The following ETV6 variants were observed in gnomAD, a reference collection of about 807,000 sequenced individuals.
ETV6 encodes the protein ETS variant transcription factor 6.
Under a neutral mutation model 51.1 loss-of-function variants are expected in ETV6, and 16 were observed. The observed-to-expected ratio is 0.31, with a 90% CI of 0.21 to 0.48. ETV6 has a LOEUF of 0.48. Among genes scored for constraint, ETV6 ranks in the 20% least tolerant of loss-of-function variants. The pLI, the probability that ETV6 is intolerant of heterozygous loss-of-function variation, is 0.99. For synonymous variants in ETV6, 240 were observed against 224.1 expected, an observed-to-expected ratio of 1.07 and a Z score of -0.64; for missense variants, 458 against 594.8, an observed-to-expected ratio of 0.77 and a Z score of 2.39.
intron 1 of ETV6, among the ~76,000 whole-genome samples, chr12:11,692,179 G>A (rs1565488293): frequency 6.6e-6 from 1 of 152,060 alleles, no homozygotes; most frequent in Non-Finnish European, 1.5e-5. Context: ...TGGATTAATG[G>A]GTTATTATGG....
At chr12:11,860,028 C>G (rs888790612) in intron 4 of ETV6, among the ~76,000 whole-genome samples, 1 of 152,190 alleles carries the variant, frequency 6.6e-6, no homozygotes, top group South Asian at 2.1e-4. Flanking sequence ...CGAAAATCTC[C>G]CAGCCTGTGA....
chr12:11,833,943 T>A (rs1025457330), intron 2 of ETV6, among the ~76,000 whole-genome samples: 1 of 152,202 alleles, frequency 6.6e-6, no homozygotes, highest in African/African-American at 2.4e-5. Flanking sequence ...GTGATAAGAT[T>A]CAGTGTAAAT....
intron 7 of ETV6, among the ~76,000 whole-genome samples, chr12:11,887,147 A>G (rs1203786808): frequency 6.6e-6 from 1 of 152,160 alleles, no homozygotes; most frequent in African/African-American, 2.4e-5. Context: ...GAATAGAAGG[A>G]ATAAAAAAAG....
chr12:11,731,497 G>C (rs1414698525), intron 1 of ETV6, among the ~76,000 whole-genome samples: 1 of 152,014 alleles, frequency 6.6e-6, no homozygotes, highest in Non-Finnish European at 1.5e-5. Flanking sequence ...CGTCTTTGGA[G>C]GTTTGAAATT....
rs943797125 is a variant in ETV6 at position 11,893,503 on chromosome 12, A to G, written c.*2457A>G. ...AGAAATAGAAGGCGCTCATTCCAAT[A>G]TAGTCTTTATTTCCCATTCAGATAC... On this transcript the variant is annotated 3_prime_UTR_variant, in exon 8 of 8. Transcript: ENST00000396373. 8.6e-6 allele frequency: 2 copies of G among 231,540 alleles called. No individual in the cohort carries two copies. The highest frequency in any genetic ancestry group is 1.1e-4 in the Admixed American group (2 of 17,710). The allele number at this position is 231,540 out of a possible 1,614,324, so 14.3% of individuals were successfully genotyped here. A position where few individuals can be genotyped will look rare whatever the true frequency, so the allele number is the denominator to read the frequency against.
intron 1 of ETV6, among the ~76,000 whole-genome samples, chr12:11,679,451 G>T (rs1288837279): frequency 1.3e-5 from 2 of 152,214 alleles, no homozygotes; most frequent in Non-Finnish European, 2.9e-5. Context: ...TTCTTCTTCG[G>T]TAAAGCTTGC....
intron 2 of ETV6, among the ~76,000 whole-genome samples, chr12:11,781,850 A>G (rs1945419428): frequency 6.6e-6 from 1 of 152,036 alleles, no homozygotes; most frequent in South Asian, 2.1e-4. Context: ...CTGTACCTTT[A>G]TGTTAATTAT....
intron 1 of ETV6, among the ~76,000 whole-genome samples, chr12:11,674,615 T>TTGTGTGTGTGTGTGTGTGTGTGTG (rs5796457): frequency 7.5e-6 from 1 of 133,162 alleles, no homozygotes; most frequent in Non-Finnish European, 1.6e-5. Context: ...TAGGGGTTAT[T>TTGTGTGTGTGTGTGTGTGTGTGTG]TGTGTGTGTG....
rs974491811 is a variant in ETV6, at chr12:11,748,840, G to C, written c.34-3610G>C. Among the ~76,000 whole-genome samples the C allele has an allele frequency of 2.6e-5, 4 of 152,086 alleles. No individual in the cohort carries two copies. The South Asian group carries it at 8.3e-4, about 32-fold the overall frequency. On this transcript the variant is annotated intron_variant, in intron 1 of 7. Coordinates refer to ENST00000396373, the MANE Select transcript of ETV6 (RefSeq NM_001987.5). ...GGGAGAGGGAACGCAGCTCATTTTG[G>C]CTTCAGTCCTTACGCTTTCAAGAGA...
chr12:11,759,682 C>T (rs1346456943), intron 2 of ETV6, among the ~76,000 whole-genome samples: 1 of 152,118 alleles, frequency 6.6e-6, no homozygotes, highest in Non-Finnish European at 1.5e-5. Context: ...TGGGTTTCCG[C>T]AGATTGAGGA....
chr12:11,807,744 G>A (rs1045178301), intron 2 of ETV6, among the ~76,000 whole-genome samples: 6 of 152,224 alleles, frequency 3.9e-5, no homozygotes, highest in Admixed American at 1.3e-4. Flanking sequence ...GAAACAGGAT[G>A]CACCTGTCTA....
intron 2 of ETV6, among the ~76,000 whole-genome samples, chr12:11,807,239 G>C (rs1020381922): frequency 6.6e-6 from 1 of 152,202 alleles, no homozygotes; most frequent in Admixed American, 6.5e-5. Flanking sequence ...AGAAGCAGGC[G>C]TCTACTTAAT....
intron 2 of ETV6, among the ~76,000 whole-genome samples, chr12:11,756,836 G>A (rs894187346): frequency 1.1e-4 from 17 of 152,218 alleles, no homozygotes; most frequent in African/African-American, 3.4e-4. Context: ...CTCAGGCCCC[G>A]CCTTAGGATA....
At chr12:11,853,361 C>T in intron 3 of ETV6, 66 bp from the exon 4 acceptor site, 2 of 1,596,532 alleles carry the variant, frequency 1.3e-6, no homozygotes, top group Non-Finnish European at 1.7e-6. Context: ...TTAGCTGCTG[C>T]TCCGTAGATC....
chr12:11,890,966 A>C lies in ETV6; in HGVS notation c.1279A>C (p.Met427Leu). 6.2e-7 allele frequency: 1 copy of C among 1,613,856 alleles called. No individual in the cohort carries two copies. The highest frequency in any genetic ancestry group is 8.5e-7 in the Non-Finnish European group (1 of 1,179,816). Residue 427 changes from methionine to leucine, a missense_variant, in exon 8 of 8, where the codon ATG becomes CTG. Transcript: ENST00000396373. ...FRFMKTPDEI[M>L]SGRTDRLEHL... is the part of the protein sequence containing the mutation. Reference sequence around the variant, plus strand: ...GTTTATGAAAACCCCAGATGAAATCATGAGTGGCCGAACAGACCGTCTGGA... The same window carrying C: ...GTTTATGAAAACCCCAGATGAAATCCTGAGTGGCCGAACAGACCGTCTGGA...
intron 2 of ETV6, among the ~76,000 whole-genome samples, chr12:11,806,904 C>T (rs1945837436): frequency 6.6e-6 from 1 of 152,210 alleles, no homozygotes; most frequent in Non-Finnish European, 1.5e-5. Flanking sequence ...AGCATGAACT[C>T]ATGATCTGAC....
At chr12:11,758,214 C>CT (rs945078648) in intron 2 of ETV6, among the ~76,000 whole-genome samples, 2 of 152,192 alleles carry the variant, frequency 1.3e-5, no homozygotes, top group Admixed American at 6.5e-5. Flanking sequence ...TTTAACCTCT[C>CT]TAAGACTCAA....
rs1863882720 is a variant in ETV6, at chr12:11,650,504, A to AAAAAAAAAAAC, written c.33+354_33+355insCAAAAAAAAAA. Among the ~76,000 whole-genome samples the AAAAAAAAAAAC allele has an allele frequency of 9.6e-5, 9 of 94,234 alleles. 3 individuals are homozygous for AAAAAAAAAAAC. The highest frequency in any genetic ancestry group is 3.5e-4 in the East Asian group (1 of 2,836). 61.8% of individuals were successfully genotyped at this position (94,234 alleles called of 152,430 possible). On this transcript the variant is annotated intron_variant, in intron 1 of 7. Transcript: ENST00000396373. ...CTTAAAAAAAAAAAAAACAAAAAAC[A>AAAAAAAAAAAC]AAAAAAAAAAACCTGCTCCCTATTC... is the stretch of plus-strand genomic sequence containing the variant.
chr12:11,703,324 G>T (rs749479277), intron 1 of ETV6, among the ~76,000 whole-genome samples: 6 of 151,854 alleles, frequency 4.0e-5, no homozygotes, highest in Admixed American at 3.3e-4. Flanking sequence ...TTATTTTTTC[G>T]TTTTAGTCAC....
Sources: allele counts gnomAD v4.1 joint callset (sites outside exome capture counted in the v4.1 genomes callset), GRCh38; gene constraint gnomAD v4.1.1; transcripts MANE v1.5; gene names NCBI Gene and HGNC (gene_info 2026-07-23, HGNC 2026-07-21).